Variants in LRMDA observed in about 807,000 individuals in gnomAD.
LRMDA encodes leucine-rich melanocyte differentiation-associated protein.
In LRMDA, 18 loss-of-function variants were observed where a neutral mutation model predicts 29.8. The observed-to-expected ratio is 0.60, with a 90% CI of 0.42 to 0.90. The LOEUF (loss-of-function observed/expected upper bound fraction) is 0.90, where lower values mean the gene tolerates loss of function less well. LRMDA is among the 40% of genes least tolerant of loss of function. The pLI is 0.00. For missense variants in LRMDA, 273 were observed against 273.9 expected (o/e 1.00, Z 0.02); for synonymous variants, 125 against 109.4 (o/e 1.14, Z -0.89).
At chr10:75,778,226 C>T (rs893648052) in intron 2 of LRMDA, among the ~76,000 whole-genome samples, 7 of 152,036 alleles carry the variant, frequency 4.6e-5, no homozygotes, top group Non-Finnish European at 7.4e-5. Flanking sequence ...TACAGGTGCA[C>T]GCCACCATGC....
At chr10:75,783,740 A>G (rs1843424376) in intron 2 of LRMDA, among the ~76,000 whole-genome samples, 1 of 152,288 alleles carries the variant, frequency 6.6e-6, no homozygotes, top group South Asian at 2.1e-4. Flanking sequence ...AAACAGAGCA[A>G]TCTAGGTGAA....
chr10:76,380,626 A>C (rs1275245284), intron 6 of LRMDA, among the ~76,000 whole-genome samples: 1 of 148,254 alleles, frequency 6.7e-6, no homozygotes, highest in Admixed American at 6.9e-5. Context: ...CCGAGATTGC[A>C]CCACTGCACT....
At chr10:76,019,600 G>A (rs1269777806) in intron 2 of LRMDA, among the ~76,000 whole-genome samples, 2 of 152,088 alleles carry the variant, frequency 1.3e-5, no homozygotes, top group Non-Finnish European at 1.5e-5. Context: ...TTCTGGCAAA[G>A]TAACAAGCAG....
At chr10:75,764,969 T>TGTGTG (rs1271947674) in intron 2 of LRMDA, among the ~76,000 whole-genome samples, 1 of 129,528 alleles carries the variant, frequency 7.7e-6, no homozygotes, top group African/African-American at 3.2e-5. Flanking sequence ...GTGTGTGTGT[T>TGTGTG]CATAGCATCT....
chr10:75,849,776 AG>A (rs1177763868), intron 2 of LRMDA, among the ~76,000 whole-genome samples: 6 of 152,252 alleles, frequency 3.9e-5, no homozygotes, highest in African/African-American at 1.4e-4. Flanking sequence ...AATTTAAAAA[AG>A]CCCTAAGTAG....
At chr10:75,682,885 A>G (rs1842041065) in intron 2 of LRMDA, among the ~76,000 whole-genome samples, 1 of 152,210 alleles carries the variant, frequency 6.6e-6, no homozygotes, top group South Asian at 2.1e-4. Context: ...AAATGGCTGG[A>G]GATAGAGGGC....
At chr10:75,730,496 C>A (rs1842683511) in intron 2 of LRMDA, among the ~76,000 whole-genome samples, 1 of 152,184 alleles carries the variant, frequency 6.6e-6, no homozygotes, top group Admixed American at 6.5e-5. Context: ...TCCCAGCTTA[C>A]TGATGAGCGC....
chr10:76,296,273 T>A (rs147481540), intron 5 of LRMDA, among the ~76,000 whole-genome samples: 2 of 152,340 alleles, frequency 1.3e-5, no homozygotes, highest in Middle Eastern at 6.8e-3. Context: ...CCCCTTGTCA[T>A]CTCTGTTATG....
intron 6 of LRMDA, among the ~76,000 whole-genome samples, chr10:76,472,376 C>T (rs1445573953): frequency 2.6e-5 from 4 of 151,642 alleles, no homozygotes; most frequent in Non-Finnish European, 5.9e-5. Context: ...AGACACACAA[C>T]ATACCAAAAG....
At chr10:75,956,075 A>T (rs1846658579) in intron 2 of LRMDA, among the ~76,000 whole-genome samples, 1 of 152,172 alleles carries the variant, frequency 6.6e-6, no homozygotes, top group Non-Finnish European at 1.5e-5. Flanking sequence ...TCTCTAAAGA[A>T]ATTGTAGTCA....
At chr10:75,863,775 TTGACTTTAG>T (rs1156967519) in intron 2 of LRMDA, among the ~76,000 whole-genome samples, 3 of 152,198 alleles carry the variant, frequency 2.0e-5, no homozygotes, top group Admixed American at 6.5e-5. Flanking sequence ...GATGGGAAAC[TTGACTTTAG>T]TTTTAATTCA....
chr10:76,102,086 C>T (rs1849403216), intron 5 of LRMDA, among the ~76,000 whole-genome samples: 1 of 152,138 alleles, frequency 6.6e-6, no homozygotes, highest in African/African-American at 2.4e-5. Context: ...TTATCCACAT[C>T]ATAGCATGTA....
At chr10:75,576,078 G>A (rs534019024) in intron 2 of LRMDA, among the ~76,000 whole-genome samples, 5 of 152,036 alleles carry the variant, frequency 3.3e-5, no homozygotes, top group African/African-American at 1.2e-4. Context: ...GGCTTGGCGG[G>A]TCCCACCCCC....
intron 5 of LRMDA, among the ~76,000 whole-genome samples, chr10:76,204,012 CTAT>C (rs1851485805): frequency 1.4e-5 from 2 of 139,700 alleles, no homozygotes; most frequent in African/African-American, 2.7e-5. Flanking sequence ...CCACCCATCT[CTAT>C]TTCATGTGCC....
rs1423861426 is a variant in LRMDA at position 75,716,386 on chromosome 10, C to T, written c.131+277892C>T. On this transcript the variant is annotated intron_variant, in intron 2 of 6. Coordinates refer to ENST00000611255, the MANE Select transcript of LRMDA (RefSeq NM_001305581.2). ...CTTATGTTGCTATATAATAAACCCTCGTTGTTTATGCCACCCTTAGTTGGG... is the reference window on the plus strand; with the variant it reads ...CTTATGTTGCTATATAATAAACCCTTGTTGTTTATGCCACCCTTAGTTGGG... 2.0e-5 allele frequency among the ~76,000 whole-genome samples: 3 copies of T among 152,148 alleles called. 1 individual carries two copies. Among genetic ancestry groups the T allele is most frequent in the Non-Finnish European group, 1.5e-5 (1 of 68,026 alleles).
intron 2 of LRMDA, among the ~76,000 whole-genome samples, chr10:75,535,571 A>G (rs377267647): frequency 6.6e-5 from 10 of 152,136 alleles, no homozygotes; most frequent in South Asian, 2.1e-4. Context: ...GGGGCAGACA[A>G]TGAGCCAACT....
At chr10:75,857,724 G>A (rs145330238) in intron 2 of LRMDA, among the ~76,000 whole-genome samples, 460 of 152,306 alleles carry the variant, frequency 3.0e-3, no homozygotes, top group Non-Finnish European at 5.1e-3. Context: ...TAGATGCAGG[G>A]CAAATCATGT....
intron 5 of LRMDA, among the ~76,000 whole-genome samples, chr10:76,100,140 G>A (rs1849373739): frequency 6.6e-6 from 1 of 152,104 alleles, no homozygotes; most frequent in Non-Finnish European, 1.5e-5. Context: ...ATTGTTATGT[G>A]TTCCTGATAA....
chr10:75,451,972 G>T (rs1844467315), intron 2 of LRMDA, among the ~76,000 whole-genome samples: 1 of 152,092 alleles, frequency 6.6e-6, no homozygotes, highest in Non-Finnish European at 1.5e-5. Context: ...ACATTTGGGG[G>T]TTATATGTGC....
Sources: allele counts gnomAD v4.1 joint callset (sites outside exome capture counted in the v4.1 genomes callset), GRCh38; gene constraint gnomAD v4.1.1; transcripts MANE v1.5; gene names NCBI Gene and HGNC (gene_info 2026-07-23, HGNC 2026-07-21).